CCNH: variants seen among roughly 807,000 people sequenced by gnomAD.
The protein encoded by CCNH is cyclin H.
Under a neutral mutation model 41.9 loss-of-function variants are expected in CCNH, and 31 were observed. That is an observed-to-expected ratio of 0.74 (90% CI 0.56 to 1.00). The LOEUF (loss-of-function observed/expected upper bound fraction) is 1.00. Ranked by LOEUF, CCNH falls within the 50% of genes least tolerant of loss-of-function variation. The pLI is 0.00. For missense variants in CCNH, 362 were observed against 388.4 expected (o/e 0.93, Z 0.57); for synonymous variants, 138 against 136.1 (o/e 1.01, Z -0.10).
At chr5:87,411,631 G>A (rs1764251108) in intron 1 of CCNH, among the ~76,000 whole-genome samples, 1 of 152,102 alleles carries the variant, frequency 6.6e-6, no homozygotes, top group Non-Finnish European at 1.5e-5. Flanking sequence ...CATGCTCACA[G>A]TTGTGATATC....
chr5:87,392,488 C>T, downstream of CCNH: 1 of 381,620 alleles, frequency 2.6e-6, no homozygotes, highest in Non-Finnish European at 5.2e-6. Flanking sequence ...CTCCTTTCCA[C>T]CCCTTCTGTT....
At chr5:87,341,680 C>T (rs1393594725) in intron 9 of CCNH, among the ~76,000 whole-genome samples, 1 of 151,952 alleles carries the variant, frequency 6.6e-6, no homozygotes, top group African/African-American at 2.4e-5. Flanking sequence ...TTTATCCCCC[C>T]AAAATAACGG....
At chr5:87,323,744 C>T (rs1461589030) in intron 9 of CCNH, among the ~76,000 whole-genome samples, 6 of 151,562 alleles carry the variant, frequency 4.0e-5, no homozygotes, top group Non-Finnish European at 7.4e-5. Context: ...TGCTTTTTCC[C>T]ACTGCCTGTT....
rs545965643 is a variant in CCNH, at chr5:87,347,601, T to C, written c.*91-28704A>G. Among the ~76,000 whole-genome samples, 3 of 152,122 alleles carry C rather than the reference T, an allele frequency of 2.0e-5. No homozygotes were observed. In the East Asian group the frequency reaches 5.8e-4, roughly 29 times the overall value. ...AATTATAGAGGTAATCTGAATTGTT[T>C]TAATCCATAAAGCACTGCATTTTAA... On this transcript the variant is annotated intron_variant and NMD_transcript_variant, in intron 9 of 9. Coordinates refer to the CCNH transcript ENST00000645953.
At chr5:87,315,231 A>G (rs1756234856), downstream of CCNH, among the ~76,000 whole-genome samples, 1 of 152,220 alleles carries the variant, frequency 6.6e-6, no homozygotes, top group South Asian at 2.1e-4. Context: ...TTAAAAAACT[A>G]TTTCTTACAA....
In CCNH at chr5:87,370,766, A is replaced by T. The variant is rs546946340; in HGVS notation, c.*90+22004T>A. 7.9e-5 allele frequency among the ~76,000 whole-genome samples: 12 copies of T among 152,302 alleles called. No homozygotes were observed. In the South Asian group the frequency reaches 2.5e-3, roughly 32 times the overall value. ...TGCTTATATTCTAACGAAGGAACTT[A>T]AAGGTGGTTAAGAAGTGAAAGTGGC... On this transcript the variant is annotated intron_variant and NMD_transcript_variant, in intron 9 of 9. Transcript: ENST00000645953.
intron 6 of CCNH, 79 bp from the exon 7 acceptor site, chr5:87,399,584 T>C: frequency 1.1e-6 from 1 of 882,802 alleles, no homozygotes; most frequent in Admixed American, 1.8e-5. Flanking sequence ...TACTTTTCCA[T>C]TTTGTCATAG....
In CCNH at chr5:87,377,049, T is replaced by C; in HGVS notation, n.132A>G. 6.2e-7 allele frequency: 1 copy of C among 1,611,220 alleles called. No individual in the cohort carries two copies. The highest frequency in any genetic ancestry group is 8.5e-7 in the Non-Finnish European group (1 of 1,177,572). On this transcript the variant is annotated non_coding_transcript_exon_variant, in exon 1 of 1. Coordinates refer to the CCNH transcript ENST00000607486. Reference sequence around the variant, plus strand: ...AGAAATAAGCATGGAAGGTATGGTATGGCCATGTTAGTGTGATACAAGAAA... The same window carrying C: ...AGAAATAAGCATGGAAGGTATGGTACGGCCATGTTAGTGTGATACAAGAAA...
chr5:87,380,069 A>T (rs1158862198), upstream of CCNH, among the ~76,000 whole-genome samples: 1 of 152,170 alleles, frequency 6.6e-6, no homozygotes, highest in Non-Finnish European at 1.5e-5. Flanking sequence ...TTTGTACTGT[A>T]GTAGCTTGGG....
downstream of CCNH, among the ~76,000 whole-genome samples, chr5:87,373,432 C>G (rs1396909881): frequency 6.6e-6 from 1 of 151,990 alleles, no homozygotes; most frequent in East Asian, 1.9e-4. Flanking sequence ...GCTGCCAGGA[C>G]AGAGAGGTGG....
At chr5:87,403,619 AAAAAC>A (rs1031198885) in intron 5 of CCNH, among the ~76,000 whole-genome samples, 4 of 152,098 alleles carry the variant, frequency 2.6e-5, no homozygotes, top group African/African-American at 9.7e-5. Flanking sequence ...ACTCTACAAA[AAAAAC>A]AAAAAGATTA....
At chr5:87,366,960 C>T (rs1469854119) in intron 9 of CCNH, among the ~76,000 whole-genome samples, 1 of 152,192 alleles carries the variant, frequency 6.6e-6, no homozygotes, top group Non-Finnish European at 1.5e-5. Flanking sequence ...TGAGCCCAGG[C>T]TCACAACTGC....
exon 1 of CCNH, chr5:87,376,480 G>T (rs753600180): frequency 1.9e-6 from 3 of 1,613,978 alleles, no homozygotes; most frequent in Non-Finnish European, 2.5e-6. Context: ...CCATTAAAAG[G>T]TATTGAACCA....
chr5:87,366,441 A>T (rs1298043965), intron 9 of CCNH: 1 of 360,552 alleles, frequency 2.8e-6, no homozygotes, highest in African/African-American at 2.1e-5. Flanking sequence ...CAGAGTAAAA[A>T]GAAGGATCAG....
intron 9 of CCNH, among the ~76,000 whole-genome samples, chr5:87,321,837 AC>A (rs1342216428): frequency 1.3e-5 from 2 of 152,088 alleles, no homozygotes; most frequent in Admixed American, 1.3e-4. Flanking sequence ...CCCCCATAGG[AC>A]CCTCTCTGAA....
At chr5:87,379,991 T>C, upstream of CCNH, 2 of 897,708 alleles carry the variant, frequency 2.2e-6, no homozygotes, top group South Asian at 1.7e-5. Context: ...ATGAGATGAA[T>C]TGTATTTAAA....
intron 2 of CCNH, 120 bp from the exon 3 acceptor site, chr5:87,409,483 A>C: frequency 1.8e-6 from 1 of 546,536 alleles, no homozygotes; most frequent in Non-Finnish European, 3.2e-6. Context: ...AAAAATACTA[A>C]TACTCATTAA....
intron 9 of CCNH, among the ~76,000 whole-genome samples, chr5:87,382,466 TATCA>T (rs994942917): frequency 3.3e-5 from 5 of 152,244 alleles, no homozygotes; most frequent in Non-Finnish European, 7.3e-5. Flanking sequence ...GGATTATGTC[TATCA>T]ATCTGTAGAA....
chr5:87,369,674 G>C, intron 9 of CCNH: 1 of 619,828 alleles, frequency 1.6e-6, no homozygotes. Context: ...TTTTAGTAAT[G>C]ATCTGGTACA....
Sources: allele counts gnomAD v4.1 joint callset (sites outside exome capture counted in the v4.1 genomes callset), GRCh38; gene constraint gnomAD v4.1.1; transcripts MANE v1.5; gene names NCBI Gene and HGNC (gene_info 2026-07-23, HGNC 2026-07-21).